The following CLNK variants were observed in gnomAD, a reference collection of about 807,000 sequenced individuals.
CLNK encodes the protein cytokine-dependent hematopoietic cell linker.
Under a neutral mutation model 68.6 loss-of-function variants are expected in CLNK, and 74 were observed. The observed-to-expected ratio is 1.08, with a 90% CI of 0.89 to 1.31. The LOEUF is 1.31. Ranked by LOEUF, CLNK falls within the 50% of genes most tolerant of loss-of-function variation. The probability of loss-of-function intolerance (pLI) is 0.00; values close to 1 mark genes in which losing one functional copy is unlikely to be tolerated. For synonymous variants in CLNK, 198 were observed against 172.2 expected, an observed-to-expected ratio of 1.15 and a Z score of -1.17; for missense variants, 553 against 515.3, an observed-to-expected ratio of 1.07 and a Z score of -0.71.
At chr4:10,587,556 G>A (rs555350631) in intron 3 of CLNK, among the ~76,000 whole-genome samples, 54 of 152,306 alleles carry the variant, frequency 3.5e-4, no homozygotes, top group African/African-American at 1.2e-3. Context: ...TGTCTGGGAC[G>A]TTGGGCACAG....
intron 7 of CLNK, among the ~76,000 whole-genome samples, chr4:10,561,921 A>G (rs975309013): frequency 6.6e-6 from 1 of 152,262 alleles, no homozygotes; most frequent in African/African-American, 2.4e-5. Flanking sequence ...TTTTTCATTC[A>G]TTTAACCAAT....
intron 2 of CLNK, among the ~76,000 whole-genome samples, chr4:10,657,426 T>A (rs927975534): frequency 7.2e-5 from 11 of 152,252 alleles, no homozygotes; most frequent in African/African-American, 2.7e-4. Context: ...TATTGTTCTT[T>A]ATGCCTTATG....
At chr4:10,544,088 G>A (rs1037718583) in intron 8 of CLNK, among the ~76,000 whole-genome samples, 1 of 152,152 alleles carries the variant, frequency 6.6e-6, no homozygotes, top group Non-Finnish European at 1.5e-5. Context: ...TGCCTGTGTT[G>A]ATGACTTTCC....
the CLNK span, among the ~76,000 whole-genome samples, chr4:10,692,562 G>T: frequency 6.6e-6 from 1 of 152,298 alleles, no homozygotes; most frequent in African/African-American, 2.4e-5. Flanking sequence ...GACAGACTAA[G>T]ATCCTAAGAA....
At chr4:10,731,358 GGT>G in the CLNK span, among the ~76,000 whole-genome samples, 3 of 152,206 alleles carry the variant, frequency 2.0e-5, no homozygotes, top group Non-Finnish European at 4.4e-5. Flanking sequence ...CTCCCCGGGT[GGT>G]TCGGGGCTCC....
chr4:10,707,750 G>A, the CLNK span, among the ~76,000 whole-genome samples: 1 of 152,132 alleles, frequency 6.6e-6, no homozygotes, highest in Non-Finnish European at 1.5e-5. Flanking sequence ...CTTGTGCCAG[G>A]GAATCATAGA....
chr4:10,594,952 G>T (rs1006379014), intron 3 of CLNK, among the ~76,000 whole-genome samples: 2 of 152,132 alleles, frequency 1.3e-5, no homozygotes, highest in Admixed American at 1.3e-4. Context: ...AAATTAGCTG[G>T]ATGTGGTGGC....
At chr4:10,699,216 C>CA in the CLNK span, among the ~76,000 whole-genome samples, 12 of 140,222 alleles carry the variant, frequency 8.6e-5, no homozygotes, top group South Asian at 4.8e-4. Context: ...CACATACACA[C>CA]CACATATGTG....
intron 3 of CLNK, among the ~76,000 whole-genome samples, chr4:10,592,285 G>T (rs1452756668): frequency 6.6e-6 from 1 of 151,956 alleles, no homozygotes; most frequent in Non-Finnish European, 1.5e-5. Context: ...ATCAATCAGT[G>T]CTCCCAATAC....
chr4:10,541,708 C>T (rs371445933), intron 10 of CLNK, among the ~76,000 whole-genome samples: 9 of 152,042 alleles, frequency 5.9e-5, no homozygotes, highest in African/African-American at 2.2e-4. Context: ...CAATACCATC[C>T]AGCAGATTTC....
chr4:10,541,577 A>C (rs2108808887), intron 10 of CLNK, among the ~76,000 whole-genome samples: 1 of 145,564 alleles, frequency 6.9e-6, no homozygotes, highest in South Asian at 2.2e-4. Flanking sequence ...ATTTATATTT[A>C]TATATGTGTC....
At chr4:10,636,631 T>C (rs1049012297) in intron 2 of CLNK, among the ~76,000 whole-genome samples, 2 of 152,046 alleles carry the variant, frequency 1.3e-5, no homozygotes, top group African/African-American at 4.8e-5. Context: ...AAGGAGGGTG[T>C]AGCAGAAGGA....
chr4:10,547,121 TG>T (rs1400824182), intron 8 of CLNK, among the ~76,000 whole-genome samples: 2 of 152,144 alleles, frequency 1.3e-5, no homozygotes, highest in Non-Finnish European at 2.9e-5. Context: ...ACTGCTATAT[TG>T]GGGACAAAGT....
At chr4:10,603,579 C>T (rs1263842914) in intron 2 of CLNK, among the ~76,000 whole-genome samples, 1 of 152,172 alleles carries the variant, frequency 6.6e-6, no homozygotes, top group Non-Finnish European at 1.5e-5. Context: ...AGGGAGTGCT[C>T]CTGGCACCAA....
chr4:10,723,536 A>G, the CLNK span, among the ~76,000 whole-genome samples: 1 of 152,150 alleles, frequency 6.6e-6, no homozygotes, highest in Non-Finnish European at 1.5e-5. Context: ...ACACTAAGAA[A>G]GTGTTTGGGA....
At chr4:10,533,333 T>A (rs1456306853) in intron 11 of CLNK, among the ~76,000 whole-genome samples, 3 of 152,270 alleles carry the variant, frequency 2.0e-5, no homozygotes, top group East Asian at 3.9e-4. Context: ...TGGTCAAAGT[T>A]TGGTGAAGAA....
chr4:10,662,230 C>T (rs1364787280), intron 2 of CLNK, among the ~76,000 whole-genome samples: 1 of 152,100 alleles, frequency 6.6e-6, no homozygotes, highest in Non-Finnish European at 1.5e-5. Context: ...ATAAAACTGC[C>T]TCATAAAACT....
the CLNK span, among the ~76,000 whole-genome samples, chr4:10,706,516 T>C: frequency 6.6e-6 from 1 of 152,176 alleles, no homozygotes; most frequent in Non-Finnish European, 1.5e-5. Flanking sequence ...TGAGGCAATC[T>C]CTGAAGAGAC....
chr4:10,718,456 A>C, the CLNK span, among the ~76,000 whole-genome samples: 1 of 151,336 alleles, frequency 6.6e-6, no homozygotes, highest in African/African-American at 2.4e-5. Flanking sequence ...TCTCATCGGA[A>C]ACCATAGAGA....
Sources: allele counts gnomAD v4.1 joint callset (sites outside exome capture counted in the v4.1 genomes callset), GRCh38; gene constraint gnomAD v4.1.1; transcripts MANE v1.5; gene names NCBI Gene and HGNC (gene_info 2026-07-23, HGNC 2026-07-21).